Variants in DGLUCY observed in about 807,000 individuals in gnomAD.
The protein encoded by DGLUCY is D-glutamate cyclase.
Under a neutral mutation model 58.5 loss-of-function variants are expected in DGLUCY, and 58 were observed. That is an observed-to-expected ratio of 0.99 (90% CI 0.80 to 1.23). The LOEUF (loss-of-function observed/expected upper bound fraction) is 1.23. Among genes scored for constraint, DGLUCY ranks in the 50% most tolerant of loss-of-function variants. DGLUCY has a pLI of 0.00. For missense variants in DGLUCY, 779 were observed against 784.7 expected (o/e 0.99, Z 0.09); for synonymous variants, 325 against 314.1 (o/e 1.03, Z -0.37).
intron 1 of DGLUCY, among the ~76,000 whole-genome samples, chr14:91,139,852 G>A (rs1474595378): frequency 6.6e-6 from 1 of 152,306 alleles, no homozygotes; most frequent in East Asian, 1.9e-4. Flanking sequence ...ATGGGTCTGT[G>A]CCTTTCTCCA....
Position 91,224,714 on chromosome 14 carries a change from C to T in DGLUCY, c.1747C>T (p.His583Tyr). ...EEKMLGILVQHKVRSGVSGIV... is the reference protein window; with the variant it reads ...EEKMLGILVQYKVRSGVSGIV... ...AAAAATGCTGGGCATCTTGGTGCAG[C>T]ACAAAGTCCGGAGTGGCGTCTCGGG... Residue 583 changes from histidine to tyrosine, a missense_variant, in exon 14 of 14, where the codon CAC becomes TAC. Physicochemically the swap from His to Tyr is moderately conservative, Grantham distance 83. Transcript: ENST00000256324. 1 of 1,610,838 alleles carries T rather than the reference C, an allele frequency of 6.2e-7. No individual in the cohort carries two copies. The highest frequency in any genetic ancestry group is 8.5e-7 in the Non-Finnish European group (1 of 1,177,436).
intron 1 of DGLUCY, among the ~76,000 whole-genome samples, chr14:91,094,403 C>G (rs1219362774): frequency 6.6e-6 from 1 of 150,622 alleles, no homozygotes; most frequent in Admixed American, 6.6e-5. Flanking sequence ...CCACTGCACT[C>G]TAGCCTGGGC....
At chr14:91,215,755 CT>C in intron 13 of DGLUCY, 199 bp downstream of exon 13, 1 of 1,435,216 alleles carries the variant, frequency 7.0e-7, no homozygotes, top group Non-Finnish European at 9.1e-7. Context: ...TGTGGCAGGC[CT>C]GATCCAAGTG....
intron 9 of DGLUCY, among the ~76,000 whole-genome samples, chr14:91,194,545 T>TG (rs1491153287): frequency 1.3e-5 from 1 of 77,774 alleles, no homozygotes; most frequent in African/African-American, 4.8e-5. Flanking sequence ...TGAGGGATCC[T>TG]TTTTTTTTTT....
chr14:91,126,201 T>TG (rs1024350710), intron 1 of DGLUCY, among the ~76,000 whole-genome samples: 1 of 152,278 alleles, frequency 6.6e-6, no homozygotes, highest in Non-Finnish European at 1.5e-5. Context: ...CTCACAGCTC[T>TG]GGGGGGTAGG....
At chr14:91,163,033 G>A (rs1160574981) in intron 3 of DGLUCY, among the ~76,000 whole-genome samples, 5 of 152,118 alleles carry the variant, frequency 3.3e-5, no homozygotes, top group East Asian at 1.9e-4. Context: ...CGAGGCCAGC[G>A]GACTGCCTGA....
chr14:91,167,652 C>T (rs572844477), intron 4 of DGLUCY: 138 of 704,904 alleles, frequency 2.0e-4, no homozygotes, highest in Non-Finnish European at 3.5e-4. Context: ...CATCTGTCCA[C>T]TCCATCGCCC....
chr14:91,061,900 C>T (rs571803659), intron 1 of DGLUCY, among the ~76,000 whole-genome samples: 15 of 152,208 alleles, frequency 9.9e-5, no homozygotes, highest in Non-Finnish European at 2.1e-4. Context: ...TAAAGGGAAC[C>T]TGATTTCTAG....
At chr14:91,136,900 T>C (rs1332071088) in intron 1 of DGLUCY, among the ~76,000 whole-genome samples, 3 of 150,138 alleles carry the variant, frequency 2.0e-5, no homozygotes, top group African/African-American at 7.4e-5. Flanking sequence ...ACCCGGGAGG[T>C]GGAGGTTGCG....
chr14:91,181,287 G>C lies in DGLUCY; in HGVS notation c.832G>C (p.Glu278Gln). 2.5e-6 allele frequency: 4 copies of C among 1,614,196 alleles called. No homozygotes were observed. In the South Asian group the frequency reaches 4.4e-5, roughly 18 times the overall value. Residue 278 changes from glutamate to glutamine, a missense_variant, in exon 8 of 14, where the codon GAG becomes CAG. By Grantham distance (29) the Glu-to-Gln change is conservative (BLOSUM62 2). Coordinates refer to ENST00000256324, the MANE Select transcript of DGLUCY (RefSeq NM_001102368.3). ...TTGTCTCACCCCAGAGAGAATTCCA[G>C]AGGTCCATCACATTTCCCAAGATCC... Reference protein sequence around the residue: ...PGCLTPERIPEVHHISQDPLH... With the variant: ...PGCLTPERIPQVHHISQDPLH...
chr14:91,078,136 C>G (rs985430743), intron 1 of DGLUCY, among the ~76,000 whole-genome samples: 2 of 152,152 alleles, frequency 1.3e-5, no homozygotes, highest in African/African-American at 4.8e-5. Flanking sequence ...TCAAGTGATT[C>G]TCCTGCCTCA....
intron 8 of DGLUCY, among the ~76,000 whole-genome samples, chr14:91,187,751 C>T (rs923862429): frequency 1.3e-5 from 2 of 152,242 alleles, no homozygotes; most frequent in African/African-American, 4.8e-5. Context: ...TGCCCAGTCT[C>T]CTGTCCTCCG....
intron 1 of DGLUCY, among the ~76,000 whole-genome samples, chr14:91,063,919 G>T (rs144984203): frequency 1.1e-4 from 17 of 152,298 alleles, no homozygotes; most frequent in African/African-American, 4.1e-4. Flanking sequence ...AAGGCAAAAT[G>T]GGATACAAGG....
At chr14:91,147,346 T>TA (rs1480971417) in intron 1 of DGLUCY, among the ~76,000 whole-genome samples, 1 of 152,200 alleles carries the variant, frequency 6.6e-6, no homozygotes, top group African/African-American at 2.4e-5. Context: ...TCAGAGGATC[T>TA]AACCCAGAAA....
chr14:91,173,687 G>T, intron 6 of DGLUCY: 1 of 441,102 alleles, frequency 2.3e-6, no homozygotes, highest in South Asian at 3.7e-5. Flanking sequence ...CAAAGGCCCT[G>T]AACAAGGCTC....
chr14:91,120,481 T>A (rs1374959002), intron 1 of DGLUCY, among the ~76,000 whole-genome samples: 1 of 152,200 alleles, frequency 6.6e-6, no homozygotes, highest in Non-Finnish European at 1.5e-5. Context: ...CTCAGCTCAC[T>A]GCAACCTGCA....
chr14:91,201,190 C>G (rs2050531460), intron 11 of DGLUCY, among the ~76,000 whole-genome samples: 1 of 152,140 alleles, frequency 6.6e-6, no homozygotes, highest in Non-Finnish European at 1.5e-5. Flanking sequence ...AAGGCAGGAA[C>G]TGGCATTTTC....
rs145397007 is a variant in DGLUCY, at chr14:91,138,220, G to A, written c.-81-19419G>A. ...TATAAAGAAATACGCAGCTGGGCGC[G>A]GTGGCTCACACCTGTAATCCCAGCA... On this transcript the variant is annotated intron_variant, in intron 1 of 13. Transcript: ENST00000256324. Among the ~76,000 whole-genome samples, 44 of 152,240 alleles carry A rather than the reference G, an allele frequency of 2.9e-4. 1 individual carries two copies. The East Asian group carries it at 4.0e-3, about 14-fold the overall frequency.
rs181128831 is a variant in DGLUCY, at chr14:91,170,187, G to A, written c.442G>A (p.Ala148Thr). The A allele has an allele frequency of 6.2e-7, 1 of 1,613,712 alleles. No homozygotes were observed. The highest frequency in any genetic ancestry group is 8.5e-7 in the Non-Finnish European group (1 of 1,179,962). Residue 148 changes from alanine to threonine, a missense_variant, in exon 5 of 14, where the codon GCG becomes ACG. Coordinates refer to ENST00000256324, the MANE Select transcript of DGLUCY (RefSeq NM_001102368.3). ...AAGAGACCCAGCAGGTCACAGCCAG[G>A]CGGGTGCATACAAGGTAGGGACACA... Reference protein sequence around the residue: ...PRRDPAGHSQAGAYKTTVPCV... With the variant: ...PRRDPAGHSQTGAYKTTVPCV...
Sources: gnomAD v4.1 joint callset for allele counts (sites outside exome capture counted in the v4.1 genomes callset) on GRCh38, gnomAD v4.1.1 for gene constraint, MANE v1.5 for transcripts, NCBI Gene and HGNC (gene_info 2026-07-23, HGNC 2026-07-21) for gene names.